The following GPR39 variants were observed in gnomAD, a reference collection of about 807,000 sequenced individuals.
GPR39 encodes zinc sensing receptor.
GPR39 carries 23 observed loss-of-function variants against 18.4 expected under a neutral mutation model. The observed-to-expected ratio is 1.25, with a 90% CI of 0.90 to 1.77. The LOEUF is 1.77. Among genes scored for constraint, GPR39 ranks in the 40% most tolerant of loss-of-function variants. The probability of loss-of-function intolerance (pLI) is 0.00; values close to 1 mark genes in which losing one functional copy is unlikely to be tolerated. For missense variants in GPR39, 647 were observed against 602.4 expected, an observed-to-expected ratio of 1.07 and a Z score of -0.78; for synonymous variants, 280 against 257.9, an observed-to-expected ratio of 1.09 and a Z score of -0.82.
chr2:132,482,680 AAC>A (rs1487609263), intron 1 of GPR39, among the ~76,000 whole-genome samples: 1 of 152,192 alleles, frequency 6.6e-6, no homozygotes, highest in Non-Finnish European at 1.5e-5. Context: ...AATCTTTGGA[AAC>A]ACAAATATTT....
intron 1 of GPR39, among the ~76,000 whole-genome samples, chr2:132,578,448 A>AT (rs1335775344): frequency 9.2e-5 from 14 of 152,106 alleles, no homozygotes; most frequent in African/African-American, 3.4e-4. Context: ...TTGCTGATAG[A>AT]TTTTTTAAAA....
intron 1 of GPR39, among the ~76,000 whole-genome samples, chr2:132,627,945 G>A (rs1375344634): frequency 6.6e-6 from 1 of 152,182 alleles, no homozygotes; most frequent in Non-Finnish European, 1.5e-5. Context: ...TTAAGTGAGG[G>A]CAGGTGACTG....
At chr2:132,574,125 T>G (rs546356691) in intron 1 of GPR39, among the ~76,000 whole-genome samples, 18 of 152,258 alleles carry the variant, frequency 1.2e-4, no homozygotes, top group Non-Finnish European at 2.5e-4. Flanking sequence ...CATGCTGTAT[T>G]TAAACATTTC....
rs527311392 is a variant in GPR39, at chr2:132,556,031, T to C, written c.857-89070T>C. On this transcript the variant is annotated intron_variant, in intron 1 of 1. Coordinates refer to ENST00000329321, the MANE Select transcript of GPR39 (RefSeq NM_001508.3). ...TGGGAGAATTTGTGCTTCTAACAAG[T>C]TCTCACAGGATAATGATGCTGCTGG... Among the ~76,000 whole-genome samples the C allele has an allele frequency of 7.9e-5, 12 of 152,062 alleles. No homozygotes were observed. In the South Asian group the frequency reaches 2.5e-3, roughly 32 times the overall value.
intron 1 of GPR39, among the ~76,000 whole-genome samples, chr2:132,591,823 AAAAC>A (rs1018841171): frequency 7.2e-5 from 11 of 152,318 alleles, no homozygotes; most frequent in African/African-American, 2.2e-4. Context: ...TGATTTAAAA[AAAAC>A]CATGTACAAG....
chr2:132,471,082 A>G (rs1200267304), intron 1 of GPR39, among the ~76,000 whole-genome samples: 2 of 152,166 alleles, frequency 1.3e-5, no homozygotes, highest in African/African-American at 2.4e-5. Context: ...GTTACTGAGC[A>G]CTGCAATCCC....
intron 1 of GPR39, among the ~76,000 whole-genome samples, chr2:132,449,453 T>C (rs989268015): frequency 1.3e-5 from 2 of 152,084 alleles, no homozygotes; most frequent in Non-Finnish European, 2.9e-5. Flanking sequence ...CACCGTGTTG[T>C]GGTCAGGCTA....
At chr2:132,538,988 C>G (rs1558832147) in intron 1 of GPR39, among the ~76,000 whole-genome samples, 1 of 152,178 alleles carries the variant, frequency 6.6e-6, no homozygotes, top group Non-Finnish European at 1.5e-5. Flanking sequence ...TGGTTCTTAG[C>G]TCACTGGGCT....
At chr2:132,603,704 G>T (rs114546477) in intron 1 of GPR39, among the ~76,000 whole-genome samples, 3 of 152,174 alleles carry the variant, frequency 2.0e-5, no homozygotes, top group Non-Finnish European at 4.4e-5. Context: ...GTGTACATTT[G>T]TGGGCGTGCG....
chr2:132,620,000 T>C (rs1681412038), intron 1 of GPR39, among the ~76,000 whole-genome samples: 2 of 152,186 alleles, frequency 1.3e-5, no homozygotes, highest in African/African-American at 4.8e-5. Flanking sequence ...TTTCTCGTGC[T>C]AATCTGCCAA....
chr2:132,449,231 G>GC (rs1680590928), intron 1 of GPR39, among the ~76,000 whole-genome samples: 2 of 101,720 alleles, frequency 2.0e-5, no homozygotes, highest in Admixed American at 2.1e-4. Flanking sequence ...TTTCCTTCGT[G>GC]TTTTTTTGTT....
intron 1 of GPR39, among the ~76,000 whole-genome samples, chr2:132,469,220 G>T (rs1680985849): frequency 6.6e-6 from 1 of 152,192 alleles, no homozygotes; most frequent in African/African-American, 2.4e-5. Flanking sequence ...GAAAAGGGCT[G>T]CTTCCTGTGT....
Position 132,479,843 on chromosome 2 carries a change from A to G in GPR39, c.856+61945A>G, listed in dbSNP as rs547962140. Among the ~76,000 whole-genome samples, 4 of 152,178 alleles carry G rather than the reference A, an allele frequency of 2.6e-5. No individual in the cohort carries two copies. In the East Asian group the frequency reaches 5.8e-4, roughly 22 times the overall value. On this transcript the variant is annotated intron_variant, in intron 1 of 1. Transcript: ENST00000329321. ...AATTACTGTATTATCTAGCAATCCC[A>G]CTTCTGGATATATATCCAAAAAAGT...
intron 1 of GPR39, among the ~76,000 whole-genome samples, chr2:132,614,412 G>T (rs1295706142): frequency 2.0e-5 from 3 of 151,446 alleles, no homozygotes; most frequent in African/African-American, 7.3e-5. Flanking sequence ...TCACCATGTT[G>T]CTCTCTTGAT....
intron 1 of GPR39, among the ~76,000 whole-genome samples, chr2:132,500,416 C>T (rs549822109): frequency 1.3e-5 from 2 of 152,156 alleles, no homozygotes; most frequent in East Asian, 3.9e-4. Flanking sequence ...TTCCTGCATC[C>T]CTGGTATGAA....
Position 132,417,820 on chromosome 2 carries a change from G to A in GPR39, c.778G>A (p.Gly260Ser), listed in dbSNP as rs777065354. The change falls in exon 1 of 2, where the codon GGC becomes AGC. Residue 260 changes from glycine (G) to serine (S), a missense_variant. Physicochemically the swap from Gly to Ser is moderately conservative, Grantham distance 56 (BLOSUM62 0). Coordinates refer to ENST00000329321, the MANE Select transcript of GPR39 (RefSeq NM_001508.3). ...MKSQKGSLAGGTRPPQLRKSE... is the reference protein window; with the variant it reads ...MKSQKGSLAGSTRPPQLRKSE... ...AAGCCAGAAGGGCTCGCTGGCCGGG[G>A]GCACGCGGCCTCCGCAGCTGAGGAA... 11 of 1,613,730 alleles carry A rather than the reference G, an allele frequency of 6.8e-6. No homozygotes were observed. Among genetic ancestry groups the A allele is most frequent in the African/African-American group, 1.3e-5 (1 of 74,938 alleles).
chr2:132,552,665 G>A (rs1459832210), intron 1 of GPR39, among the ~76,000 whole-genome samples: 1 of 151,640 alleles, frequency 6.6e-6, no homozygotes, highest in Non-Finnish European at 1.5e-5. Flanking sequence ...TTTTATATCT[G>A]GAAGTTCGGC....
At chr2:132,501,136 G>A (rs1679030135) in intron 1 of GPR39, among the ~76,000 whole-genome samples, 3 of 143,380 alleles carry the variant, frequency 2.1e-5, no homozygotes, top group African/African-American at 7.7e-5. Context: ...CTGGGTTTGG[G>A]TTTGGATTGT....
At chr2:132,475,896 A>G (rs546277522) in intron 1 of GPR39, among the ~76,000 whole-genome samples, 2 of 152,316 alleles carry the variant, frequency 1.3e-5, no homozygotes, top group African/African-American at 4.8e-5. Context: ...AGTTGTCATT[A>G]TCTTCTGCCA....
Sources: allele counts gnomAD v4.1 joint callset (sites outside exome capture counted in the v4.1 genomes callset), GRCh38; gene constraint gnomAD v4.1.1; transcripts MANE v1.5; gene names NCBI Gene and HGNC (gene_info 2026-07-23, HGNC 2026-07-21).